NTRK3: variants seen among roughly 807,000 people sequenced by gnomAD.
NTRK3 encodes the protein neurotrophic receptor tyrosine kinase 3.
A neutral mutation model predicts 91.7 loss-of-function variants in NTRK3; 24 were observed. The observed-to-expected ratio is 0.26, with a 90% confidence interval of 0.19 to 0.37. The LOEUF (loss-of-function observed/expected upper bound fraction) is 0.37. NTRK3 is among the 10% of genes least tolerant of loss of function. The pLI is 1.00. For synonymous variants in NTRK3, 483 were observed against 404.0 expected, an observed-to-expected ratio of 1.20 and a Z score of -2.34; for missense variants, 880 against 1,068.9, an observed-to-expected ratio of 0.82 and a Z score of 2.46.
intron 15 of NTRK3, among the ~76,000 whole-genome samples, chr15:87,938,716 T>C (rs2069526977): frequency 6.6e-6 from 1 of 152,210 alleles, no homozygotes; most frequent in Non-Finnish European, 1.5e-5. Flanking sequence ...AGTCCCCAGA[T>C]GGATGCCGGA....
At chr15:87,935,494 A>G (rs528827755) in intron 15 of NTRK3, among the ~76,000 whole-genome samples, 1 of 152,330 alleles carries the variant, frequency 6.6e-6, no homozygotes, top group African/African-American at 2.4e-5. Flanking sequence ...CCCAGCTCCC[A>G]GCAGCAGCCT....
At chr15:88,030,833 A>C (rs2078467484) in intron 14 of NTRK3, among the ~76,000 whole-genome samples, 2 of 151,910 alleles carry the variant, frequency 1.3e-5, no homozygotes, top group Non-Finnish European at 2.9e-5. Context: ...TATCATGTAC[A>C]TTGTTCTAAA....
intron 13 of NTRK3, among the ~76,000 whole-genome samples, chr15:88,065,578 C>G (rs1162834547): frequency 6.6e-6 from 1 of 152,136 alleles, no homozygotes; most frequent in Non-Finnish European, 1.5e-5. Flanking sequence ...ACCTATACCC[C>G]TACCAGATGC....
At chr15:88,166,052 A>G (rs2044907823) in intron 5 of NTRK3, among the ~76,000 whole-genome samples, 1 of 152,182 alleles carries the variant, frequency 6.6e-6, no homozygotes, top group African/African-American at 2.4e-5. Context: ...GGCCCACTTT[A>G]TCTATTCCTG....
chr15:87,956,235 G>T (rs982038781), intron 14 of NTRK3, among the ~76,000 whole-genome samples: 3 of 152,154 alleles, frequency 2.0e-5, no homozygotes, highest in African/African-American at 4.8e-5. Flanking sequence ...ATAACATACT[G>T]CAAGTTACTC....
intron 13 of NTRK3, among the ~76,000 whole-genome samples, chr15:88,122,646 A>AT (rs551542557): frequency 5.9e-5 from 9 of 151,918 alleles, no homozygotes; most frequent in African/African-American, 1.5e-4. Context: ...CTTTTTCTGT[A>AT]TTTTTTTTAT....
At chr15:87,953,088 G>A (rs2071307814) in intron 14 of NTRK3, among the ~76,000 whole-genome samples, 1 of 152,212 alleles carries the variant, frequency 6.6e-6, no homozygotes, top group African/African-American at 2.4e-5. Flanking sequence ...CCTCTGAGCT[G>A]ACTTCCAAGA....
intron 14 of NTRK3, among the ~76,000 whole-genome samples, chr15:87,985,603 C>T (rs2074695594): frequency 6.6e-6 from 1 of 152,114 alleles, no homozygotes; most frequent in African/African-American, 2.4e-5. Context: ...TTGTCCTGGC[C>T]CGCATGCCAC....
chr15:88,127,121 A>T, intron 12 of NTRK3, 41 bp downstream of exon 12: 1 of 1,521,930 alleles, frequency 6.6e-7, no homozygotes. Context: ...GAAAATGACT[A>T]TGCCAGTCAA....
chr15:88,038,345 C>A (rs536988915), intron 13 of NTRK3, among the ~76,000 whole-genome samples: 1 of 152,334 alleles, frequency 6.6e-6, no homozygotes, highest in Admixed American at 6.5e-5. Context: ...CCATAAACTA[C>A]ATTCCTTAAA....
At chr15:88,183,579 C>A in intron 4 of NTRK3, 90 bp from the exon 5 acceptor site, 18 of 1,221,108 alleles carry the variant, frequency 1.5e-5, no homozygotes, top group Non-Finnish European at 2.1e-5. Flanking sequence ...GAGGCTAAGG[C>A]TGGCCCTGCA....
intron 14 of NTRK3, among the ~76,000 whole-genome samples, chr15:87,941,168 C>A (rs899444732): frequency 1.3e-5 from 2 of 152,134 alleles, no homozygotes; most frequent in Admixed American, 1.3e-4. Context: ...ACATTTCTAA[C>A]AAACTCCCAG....
At chr15:88,161,881 C>T (rs12910780) in intron 5 of NTRK3, among the ~76,000 whole-genome samples, 4,704 of 152,236 alleles carry the variant, frequency 0.031, 104 homozygotes, top group Middle Eastern at 0.071. Context: ...TATTCAGGAG[C>T]TGGCAGGGAT....
exon 14 of NTRK3, chr15:88,032,961 A>G (rs2142021075): frequency 6.2e-7 from 1 of 1,612,822 alleles, no homozygotes; most frequent in Non-Finnish European, 8.5e-7. Context: ...CCCGGCATCC[A>G]GTGACGAGGG....
intron 17 of NTRK3, chr15:87,927,367 A>G (rs370978249): frequency 1.3e-5 from 2 of 152,212 alleles, no homozygotes; most frequent in African/African-American, 4.8e-5. Flanking sequence ...TTAACGTCTG[A>G]GTGATCTCAT....
chr15:88,061,068 T>C (rs1225453808), intron 13 of NTRK3, among the ~76,000 whole-genome samples: 3 of 152,198 alleles, frequency 2.0e-5, no homozygotes, highest in Non-Finnish European at 4.4e-5. Flanking sequence ...TTGATTTTTA[T>C]GTTGAAATAT....
chr15:87,993,215 T>A (rs768446083), intron 14 of NTRK3, among the ~76,000 whole-genome samples: 1 of 152,090 alleles, frequency 6.6e-6, no homozygotes, highest in African/African-American at 2.4e-5. Flanking sequence ...ATTTAGGATA[T>A]GATGAGCAAA....
chr15:87,868,251 G>A (rs2064741183), exon 19 of NTRK3: 1 of 229,330 alleles, frequency 4.4e-6, no homozygotes, highest in East Asian at 6.2e-5. Flanking sequence ...ATGAGCACGA[G>A]CACCTAGAAT....
intron 3 of NTRK3, among the ~76,000 whole-genome samples, chr15:88,190,157 G>C (rs146119969): frequency 1.3e-5 from 2 of 152,152 alleles, no homozygotes; most frequent in Non-Finnish European, 2.9e-5. Context: ...ATTTTTCTAA[G>C]CTTTTCCCGC....
Sources: gnomAD v4.1 joint callset for allele counts (sites outside exome capture counted in the v4.1 genomes callset) on GRCh38, gnomAD v4.1.1 for gene constraint, MANE v1.5 for transcripts, NCBI Gene and HGNC (gene_info 2026-07-23, HGNC 2026-07-21) for gene names.